Variants in DISP3 observed in about 807,000 individuals in gnomAD.
DISP3 encodes the protein dispatched RND transporter family member 3.
In DISP3, 101 loss-of-function variants were observed where a neutral mutation model predicts 135.3. That is an observed-to-expected ratio of 0.75 (90% CI 0.64 to 0.88). The LOEUF is 0.88. Among genes scored for constraint, DISP3 ranks in the 40% least tolerant of loss-of-function variants. The pLI is 0.00. For missense variants in DISP3, 1,713 were observed against 1,878.6 expected (o/e 0.91, Z 1.63); for synonymous variants, 856 against 817.0 (o/e 1.05, Z -0.81).
Position 11,525,297 on chromosome 1 carries a change from G to A in DISP3, c.2598G>A (p.Glu866=), listed in dbSNP as rs912679729. The A allele has an allele frequency of 2.5e-6, 4 of 1,613,646 alleles. No individual in the cohort carries two copies. Among genetic ancestry groups the A allele is most frequent in the Non-Finnish European group, 3.4e-6 (4 of 1,179,714 alleles). The change falls in exon 12 of 21, where the codon GAG becomes GAA. Residue 866 remains glutamate (E), a synonymous_variant. Transcript: ENST00000294484. ...AGGCTGTGTCGCCTGGGGATGGAGA[G>A]GTGCCCTCCTTCCAGGTGAGCCTGG... ...PWQAVSPGDG[E]VPSFQVYRAP... is the part of the protein sequence containing the mutation.
In DISP3 at chr1:11,531,628, A is replaced by T; in HGVS notation, c.3293A>T (p.Asn1098Ile). 2 of 1,613,462 alleles carry T rather than the reference A, an allele frequency of 1.2e-6. No homozygotes were observed. Residue 1098 changes from asparagine (N) to isoleucine (I), a missense_variant, in exon 17 of 21, where the codon AAC becomes ATC. Transcript: ENST00000294484. This position sits in a 1 kb window ranked among gnomAD's most constrained non-coding sequence, Gnocchi z 5.2. Reference protein sequence around the residue: ...HPECKELPEPNLLPGQLSHGA... With the variant: ...HPECKELPEPILLPGQLSHGA... ...GAGTGCAAGGAGCTGCCCGAGCCCA[A>T]CCTGCTCCCGGGGCAGCTGTCCCAC...
Position 11,501,121 on chromosome 1 carries a change from G to C in DISP3, c.129G>C (p.Gln43His). ...KPGPQPGAGG[Q>H]CCWRHWPLAS... is the part of the protein sequence containing the mutation. ...GGCCCCAACCTGGGGCAGGGGGACAGTGTTGCTGGCGGCACTGGCCCCTGG... is the reference window on the plus strand; with the variant it reads ...GGCCCCAACCTGGGGCAGGGGGACACTGTTGCTGGCGGCACTGGCCCCTGG... Residue 43 changes from glutamine (Q) to histidine (H), a missense_variant, in exon 2 of 21, where the codon CAG becomes CAC. This residue lies in a region of DISP3 where 571 missense variants were observed against 494.1 expected (regional missense o/e 1.16). Coordinates refer to ENST00000294484, the MANE Select transcript of DISP3 (RefSeq NM_020780.2). This position sits in a 1 kb window ranked among gnomAD's most constrained non-coding sequence, Gnocchi z 4.9. 1 of 1,614,024 alleles carries C rather than the reference G, an allele frequency of 6.2e-7. No homozygotes were observed. The highest frequency in any genetic ancestry group is 8.5e-7 in the Non-Finnish European group (1 of 1,179,964).
Position 11,514,407 on chromosome 1 carries a change from A to G in DISP3, c.1334A>G (p.Tyr445Cys), listed in dbSNP as rs1641942295. The change falls in exon 4 of 21, where the codon TAT becomes TGT. Residue 445 changes from tyrosine to cysteine, a missense_variant. Tyr to Cys is a radical substitution (Grantham distance 194). Coordinates refer to ENST00000294484, the MANE Select transcript of DISP3 (RefSeq NM_020780.2). ...TCCCCCAGCAAAGTCCAGGTTCTCT[A>G]TGGGGGGACAGACCTGTTTGACTAT... ...KQSTSKVQVL[Y>C]GGTDLFDYEV... 1.2e-6 allele frequency: 2 copies of G among 1,612,584 alleles called. No homozygotes were observed. The highest frequency in any genetic ancestry group is 8.5e-7 in the Non-Finnish European group (1 of 1,178,604).
chr1:11,512,356 C>A (rs764976665), intron 3 of DISP3, among the ~76,000 whole-genome samples: 3 of 152,158 alleles, frequency 2.0e-5, no homozygotes, highest in Non-Finnish European at 4.4e-5. Context: ...CCCAAGTCAC[C>A]TCTCAAATGC....
chr1:11,516,124 C>A lies in DISP3; in HGVS notation c.1712C>A (p.Thr571Asn). 1.9e-6 allele frequency: 3 copies of A among 1,614,210 alleles called. No homozygotes were observed. The highest frequency in any genetic ancestry group is 2.5e-6 in the Non-Finnish European group (3 of 1,180,020). The change falls in exon 6 of 21, where the codon ACC (threonine) becomes AAC (asparagine). Residue 571 changes from threonine to asparagine, a missense_variant. Thr to Asn is a moderately conservative substitution (Grantham distance 65). Around this residue, in one of 2 missense-constraint regions of DISP3, gnomAD observed 1,142 missense variants for 1,384.6 expected, o/e 0.82. Transcript: ENST00000294484. The surrounding 1 kb of genome is among the most constrained non-coding windows in gnomAD (Gnocchi z 5.1). ...AGKATFFTSL[T>N]TAAAYAANVF... ...AAGGCCACCTTCTTCACCTCCCTGACCACAGCCGCCGCCTACGCAGCTAAC... is the reference window on the plus strand; with the variant it reads ...AAGGCCACCTTCTTCACCTCCCTGAACACAGCCGCCGCCTACGCAGCTAAC...
intron 1 of DISP3, among the ~76,000 whole-genome samples, chr1:11,496,261 AGAG>A (rs1371441475): frequency 6.6e-6 from 1 of 152,144 alleles, no homozygotes; most frequent in Admixed American, 6.5e-5. Context: ...GCCTTTCCCA[AGAG>A]GAGGATGGTT....
intron 10 of DISP3, among the ~76,000 whole-genome samples, chr1:11,521,188 C>T (rs1421368654): frequency 2.0e-5 from 3 of 151,432 alleles, no homozygotes; most frequent in Non-Finnish European, 2.9e-5. Flanking sequence ...GGAAGGCTTC[C>T]TGGAGGAAGT....
intron 20 of DISP3, 73 bp downstream of exon 20, chr1:11,535,717 C>T: frequency 1.3e-6 from 2 of 1,527,344 alleles, no homozygotes; most frequent in Non-Finnish European, 1.8e-6. Context: ...GCTGAGGGAC[C>T]CTCAAGGGCA....
At chr1:11,514,901 C>T (rs1046974866) in intron 4 of DISP3, among the ~76,000 whole-genome samples, 10 of 152,180 alleles carry the variant, frequency 6.6e-5, no homozygotes, top group Non-Finnish European at 8.8e-5. Flanking sequence ...ATCACTTTTT[C>T]ACCTCCGTGT....
At chr1:11,502,435 A>G (rs1641571777) in intron 2 of DISP3, among the ~76,000 whole-genome samples, 1 of 152,268 alleles carries the variant, frequency 6.6e-6, no homozygotes, top group Non-Finnish European at 1.5e-5. Context: ...ATAGGAAGGC[A>G]GGAGAAATGA....
In DISP3 at chr1:11,531,253, G is replaced by T. The variant is rs773227468; in HGVS notation, c.3229+220G>T. Among the ~76,000 whole-genome samples, 8 of 152,172 alleles carry T rather than the reference G, an allele frequency of 5.3e-5. No individual in the cohort carries two copies. The highest frequency in any genetic ancestry group is 1.2e-4 in the Non-Finnish European group (8 of 68,032). ...AGCAGGCTTGTGTGTGAACAGGACTGGTGCAGAGGTGCATGTGTGTGGGAT... is the reference window on the plus strand; with the variant it reads ...AGCAGGCTTGTGTGTGAACAGGACTTGTGCAGAGGTGCATGTGTGTGGGAT... On this transcript the variant is annotated intron_variant, in intron 16 of 20. Transcript: ENST00000294484. This position sits in a 1 kb window ranked among gnomAD's most constrained non-coding sequence, Gnocchi z 5.2.
rs1177037309 is a variant in DISP3 at position 11,499,666 on chromosome 1, CTT to C, written c.-3-1321_-3-1320del. Among the ~76,000 whole-genome samples, 4 of 152,122 alleles carry C rather than the reference CTT, an allele frequency of 2.6e-5. No homozygotes were observed. Among genetic ancestry groups the C allele is most frequent in the African/African-American group, 9.7e-5 (4 of 41,430 alleles). The stretch of plus-strand genomic sequence containing the variant: ...CAGTCATTCTTCCTTTCTGTTTCTT[CTT>C]TTGTTTCCCTATTTGCATCTCAGTC... On this transcript the variant is annotated intron_variant, in intron 1 of 20. Coordinates refer to ENST00000294484, the MANE Select transcript of DISP3 (RefSeq NM_020780.2). This position sits in a 1 kb window ranked among gnomAD's most constrained non-coding sequence, Gnocchi z 5.2.
chr1:11,502,678 G>T lies in DISP3; in HGVS notation c.1097G>T (p.Gly366Val). The change falls in exon 3 of 21, where the codon GGC becomes GTC. Residue 366 changes from glycine to valine, a missense_variant and splice_region_variant. Physicochemically the swap from Gly to Val is moderately radical, Grantham distance 109. Coordinates refer to ENST00000294484, the MANE Select transcript of DISP3 (RefSeq NM_020780.2). ...GGGGCCCCCACCCCTGTCCTTGCAG[G>T]CTCCCTGGAGCTGGCCATGACTCAC... ...GMGQDLADIR[G>V]SLELAMTHPE... 1 of 1,613,184 alleles carries T rather than the reference G, an allele frequency of 6.2e-7. No individual in the cohort carries two copies. The highest frequency in any genetic ancestry group is 1.1e-5 in the South Asian group (1 of 90,956).
intron 1 of DISP3, among the ~76,000 whole-genome samples, chr1:11,485,497 G>A (rs1365074062): frequency 6.6e-6 from 1 of 152,134 alleles, no homozygotes; most frequent in East Asian, 1.9e-4. Context: ...TCTTGTCTCT[G>A]GGGAAGGCAG....
rs975448566 is a variant in DISP3 at position 11,516,742 on chromosome 1, C to A, written c.1749+581C>A. On this transcript the variant is annotated intron_variant, in intron 6 of 20. Transcript: ENST00000294484. This position sits in a 1 kb window ranked among gnomAD's most constrained non-coding sequence, Gnocchi z 5.1. ...CCCAAGTCTTTGAGAAACTTTACGACCTGGGCTGAGTAGCCCCTCTGGAAA... is the reference window on the plus strand; with the variant it reads ...CCCAAGTCTTTGAGAAACTTTACGAACTGGGCTGAGTAGCCCCTCTGGAAA... Among the ~76,000 whole-genome samples, 2 of 152,184 alleles carry A rather than the reference C, an allele frequency of 1.3e-5. No individual in the cohort carries two copies. Among genetic ancestry groups the A allele is most frequent in the East Asian group, 1.9e-4 (1 of 5,198 alleles).
intron 17 of DISP3, chr1:11,533,910 T>G: frequency 1.4e-6 from 1 of 713,960 alleles, no homozygotes. Context: ...GCTCCTGCCC[T>G]TGCAATTCAC....
Position 11,531,306 on chromosome 1 carries a change from C to T in DISP3, c.3230-259C>T, listed in dbSNP as rs539657086. The stretch of plus-strand genomic sequence containing the variant: ...GGGCACATCTGCGGGAGTAGCTTTT[C>T]CAAAATTAGGGGGCGGGGCCAGGGG... On this transcript the variant is annotated intron_variant, in intron 16 of 20. Coordinates refer to ENST00000294484, the MANE Select transcript of DISP3 (RefSeq NM_020780.2). This position sits in a 1 kb window ranked among gnomAD's most constrained non-coding sequence, Gnocchi z 5.2. Among the ~76,000 whole-genome samples the T allele has an allele frequency of 1.3e-5, 2 of 152,200 alleles. No individual in the cohort carries two copies. The highest frequency in any genetic ancestry group is 4.8e-5 in the African/African-American group (2 of 41,518).
At chr1:11,507,173 G>C (rs1641727878) in intron 3 of DISP3, among the ~76,000 whole-genome samples, 1 of 152,142 alleles carries the variant, frequency 6.6e-6, no homozygotes, top group South Asian at 2.1e-4. Context: ...CTTCACTTCA[G>C]AAGGCACATA....
At position 11,536,928 on chromosome 1, in the gene DISP3, G is replaced by C; in HGVS notation, c.*242G>C. Reference sequence around the variant, plus strand: ...GCAGCCACACTCGGCTTTTTGCCCAGTGGCAGAAGAGACCAGCCCTCCTCC... The same window carrying C: ...GCAGCCACACTCGGCTTTTTGCCCACTGGCAGAAGAGACCAGCCCTCCTCC... On this transcript the variant is annotated 3_prime_UTR_variant, in exon 21 of 21. Transcript: ENST00000294484. The surrounding 1 kb of genome is among the most constrained non-coding windows in gnomAD (Gnocchi z 4.3). The C allele has an allele frequency of 1.7e-6, 1 of 582,694 alleles. No individual in the cohort carries two copies. Among genetic ancestry groups the C allele is most frequent in the Non-Finnish European group, 3.0e-6 (1 of 338,122 alleles). The allele number at this position is 582,694 out of a possible 1,614,324, so 36.1% of individuals were successfully genotyped here. A position where few individuals can be genotyped will look rare whatever the true frequency, so the allele number is the denominator to read the frequency against.
Sources: allele counts gnomAD v4.1 joint callset (sites outside exome capture counted in the v4.1 genomes callset), GRCh38; gene constraint gnomAD v4.1.1; regional missense constraint gnomAD v4.1.1; non-coding constraint Gnocchi (gnomAD v3.1); transcripts MANE v1.5; gene names NCBI Gene and HGNC (gene_info 2026-07-23, HGNC 2026-07-21).